SPOCK3: variants seen among roughly 807,000 people sequenced by gnomAD.
SPOCK3 encodes testican-3.
Under a neutral mutation model 56.6 loss-of-function variants are expected in SPOCK3, and 30 were observed. The ratio of observed to expected loss-of-function variants is 0.53; its 90% CI spans 0.40 to 0.72. SPOCK3 has a LOEUF of 0.72. Among genes scored for constraint, SPOCK3 ranks in the 30% least tolerant of loss-of-function variants. The pLI is 0.00. For missense variants in SPOCK3, 527 were observed against 530.0 expected (o/e 0.99, Z 0.06); for synonymous variants, 196 against 183.3 (o/e 1.07, Z -0.56).
chr4:166,878,777 G>A (rs1172518551), intron 6 of SPOCK3, among the ~76,000 whole-genome samples: 2 of 152,070 alleles, frequency 1.3e-5, no homozygotes, highest in East Asian at 1.9e-4. Flanking sequence ...AGCAATCATC[G>A]CTTCAAAACC....
intron 2 of SPOCK3, among the ~76,000 whole-genome samples, chr4:167,213,745 G>A (rs546079510): frequency 0.011 from 1,629 of 152,188 alleles, 26 homozygotes; most frequent in African/African-American, 0.031. Flanking sequence ...CATTACCAGT[G>A]TTTGATGATG....
intron 4 of SPOCK3, among the ~76,000 whole-genome samples, chr4:166,915,868 A>C (rs1737791760): frequency 6.6e-6 from 1 of 152,198 alleles, no homozygotes; most frequent in African/African-American, 2.4e-5. Flanking sequence ...GTTATCTGAA[A>C]TTATTAACAA....
chr4:167,125,754 T>C (rs1762223410), intron 2 of SPOCK3, among the ~76,000 whole-genome samples: 1 of 152,098 alleles, frequency 6.6e-6, no homozygotes. Flanking sequence ...CCTCCATTTC[T>C]TTCTTTCATG....
chr4:167,063,522 C>T (rs1186374854), intron 2 of SPOCK3, among the ~76,000 whole-genome samples: 3 of 151,790 alleles, frequency 2.0e-5, no homozygotes. Context: ...AAGGGGTCAG[C>T]AGAGATTCTT....
intron 7 of SPOCK3, among the ~76,000 whole-genome samples, chr4:166,763,305 T>C (rs1393056157): frequency 2.6e-5 from 4 of 151,994 alleles, no homozygotes. Context: ...CTAGCAAGAT[T>C]ATCTTTCAAA....
At chr4:166,879,240 T>G (rs895986442) in intron 6 of SPOCK3, among the ~76,000 whole-genome samples, 3 of 152,110 alleles carry the variant, frequency 2.0e-5, no homozygotes, top group Admixed American at 2.0e-4. Flanking sequence ...ATAAGAGTTA[T>G]AGCCAGGCAT....
chr4:166,927,944 A>T (rs573648878), intron 4 of SPOCK3, among the ~76,000 whole-genome samples: 1 of 152,354 alleles, frequency 6.6e-6, no homozygotes, highest in East Asian at 1.9e-4. Flanking sequence ...CTCACCAAAG[A>T]TGATATGCAT....
chr4:167,233,917 G>T, intron 2 of SPOCK3, 68 bp downstream of exon 2: 1 of 1,411,588 alleles, frequency 7.1e-7, no homozygotes, highest in Non-Finnish European at 9.9e-7. Context: ...ACCCACATCC[G>T]GCGGCCGCGG....
At chr4:166,883,930 T>C (rs1733931275) in intron 6 of SPOCK3, among the ~76,000 whole-genome samples, 1 of 152,210 alleles carries the variant, frequency 6.6e-6, no homozygotes, top group Non-Finnish European at 1.5e-5. Flanking sequence ...GGTAGTTCAC[T>C]ATTATCTTTC....
chr4:167,030,698 G>C (rs1752192291), intron 3 of SPOCK3, among the ~76,000 whole-genome samples: 1 of 152,040 alleles, frequency 6.6e-6, no homozygotes, highest in Non-Finnish European at 1.5e-5. Context: ...CTATGTGAAT[G>C]TCCCCAATAA....
intron 2 of SPOCK3, among the ~76,000 whole-genome samples, chr4:167,166,722 T>G (rs148842691): frequency 1.7e-3 from 256 of 152,214 alleles, no homozygotes; most frequent in African/African-American, 5.3e-3. Context: ...AGCGGGAGAA[T>G]AGCACTTTAC....
chr4:166,781,424 AAACAGAG>A (rs998279603), intron 7 of SPOCK3, among the ~76,000 whole-genome samples: 146 of 100,252 alleles, frequency 1.5e-3, no homozygotes, highest in Middle Eastern at 5.4e-3. Context: ...GAAGAAAATA[AAACAGAG>A]GAGGAGGAGG....
chr4:166,740,174 A>G (rs1734684454), intron 9 of SPOCK3, among the ~76,000 whole-genome samples: 1 of 152,136 alleles, frequency 6.6e-6, no homozygotes, highest in South Asian at 2.1e-4. Flanking sequence ...AAATCAGGAC[A>G]TGGGGCATCA....
chr4:167,060,215 T>A (rs1211589363), intron 3 of SPOCK3, among the ~76,000 whole-genome samples: 1 of 146,200 alleles, frequency 6.8e-6, no homozygotes, highest in Non-Finnish European at 1.5e-5. Flanking sequence ...TATTCAGCCA[T>A]AAAAAGAATG....
intron 2 of SPOCK3, among the ~76,000 whole-genome samples, chr4:167,073,367 A>G (rs1191984597): frequency 6.6e-6 from 1 of 151,892 alleles, no homozygotes; most frequent in Non-Finnish European, 1.5e-5. Flanking sequence ...TAAATACTGT[A>G]TAAAATAAAT....
chr4:166,780,298 G>C (rs1409610829), intron 7 of SPOCK3, among the ~76,000 whole-genome samples: 4 of 152,116 alleles, frequency 2.6e-5, no homozygotes, highest in Non-Finnish European at 5.9e-5. Flanking sequence ...TCAGTGAATT[G>C]CTAAAGGCTG....
chr4:166,829,860 TATC>T (rs1745854982), intron 6 of SPOCK3, among the ~76,000 whole-genome samples: 1 of 152,094 alleles, frequency 6.6e-6, no homozygotes, highest in African/African-American at 2.4e-5. Flanking sequence ...AGATTATTAT[TATC>T]ATAAGATAAA....
At chr4:166,981,351 G>A (rs1746546805) in intron 4 of SPOCK3, among the ~76,000 whole-genome samples, 1 of 151,984 alleles carries the variant, frequency 6.6e-6, no homozygotes, top group South Asian at 2.1e-4. Flanking sequence ...CAGCCAAGAG[G>A]AGAACTGGAG....
At chr4:166,949,883 G>A (rs1742304968) in intron 4 of SPOCK3, among the ~76,000 whole-genome samples, 1 of 151,652 alleles carries the variant, frequency 6.6e-6, no homozygotes, top group Non-Finnish European at 1.5e-5. Context: ...ACAAGCAAAT[G>A]CTGAGCAATT....
Sources: gnomAD v4.1 joint callset for allele counts (sites outside exome capture counted in the v4.1 genomes callset) on GRCh38, gnomAD v4.1.1 for gene constraint, MANE v1.5 for transcripts, NCBI Gene and HGNC (gene_info 2026-07-23, HGNC 2026-07-21) for gene names.